The following CEP63 variants were observed in gnomAD, a reference collection of about 807,000 sequenced individuals.
CEP63 encodes centrosomal protein 63, also known as centrosomal protein of 63 kDa.
In CEP63, 84 loss-of-function variants were observed where a neutral mutation model predicts 89.1. The observed-to-expected ratio is 0.94, with a 90% confidence interval of 0.79 to 1.13. The LOEUF is 1.13. Among genes scored for constraint, CEP63 ranks in the 50% most tolerant of loss-of-function variants. The pLI, the probability that CEP63 is intolerant of heterozygous loss-of-function variation, is 0.00. For synonymous variants in CEP63, 267 were observed against 272.5 expected (o/e 0.98, Z 0.20); for missense variants, 838 against 813.3 (o/e 1.03, Z -0.37).
At chr3:134,570,543 C>T (rs1577492198) in intron 11 of CEP63, among the ~76,000 whole-genome samples, 1 of 152,202 alleles carries the variant, frequency 6.6e-6, no homozygotes, top group Non-Finnish European at 1.5e-5. Flanking sequence ...GAAACCAGAT[C>T]AGCCTGGATT....
At position 134,507,224 on chromosome 3, in the gene CEP63, T is replaced by C. The variant is rs202030435; in HGVS notation, c.160T>C (p.Leu54=). The C allele has an allele frequency of 8.7e-6, 14 of 1,613,936 alleles. No homozygotes were observed. The East Asian group carries it at 3.1e-4, about 36-fold the overall frequency. ...EGRTHALETC[L]KIREQELKSL... is the part of the protein sequence containing the mutation. The stretch of plus-strand genomic sequence containing the variant: ...ACGTACACATGCTCTAGAAACTTGC[T>C]TGAAAATCCGTGAACAGGAACTTAA... The change falls in exon 3 of 15, where the codon TTG becomes CTG. Residue 54 remains leucine, a synonymous_variant. Transcript: ENST00000675561.
chr3:134,647,965 C>T, the CEP63 span, among the ~76,000 whole-genome samples: 2 of 152,184 alleles, frequency 1.3e-5, no homozygotes, highest in African/African-American at 4.8e-5. Flanking sequence ...GCCTCCCTTG[C>T]AGCTAGAGGG....
chr3:134,656,273 A>C, the CEP63 span, among the ~76,000 whole-genome samples: 15 of 152,194 alleles, frequency 9.9e-5, no homozygotes, highest in Non-Finnish European at 2.1e-4. Flanking sequence ...AAGGAGCCTG[A>C]GCAGGAAATA....
chr3:134,714,928 A>T, the CEP63 span, among the ~76,000 whole-genome samples: 1 of 152,352 alleles, frequency 6.6e-6, no homozygotes, highest in African/African-American at 2.4e-5. Flanking sequence ...CTAAATGCCC[A>T]GGTAAAGCCC....
chr3:134,737,793 G>A, the CEP63 span, among the ~76,000 whole-genome samples: 1 of 152,182 alleles, frequency 6.6e-6, no homozygotes, highest in Admixed American at 6.5e-5. Flanking sequence ...TTATTTGACC[G>A]GGGCTGCTGT....
At chr3:134,640,293 G>A in the CEP63 span, among the ~76,000 whole-genome samples, 86 of 152,236 alleles carry the variant, frequency 5.6e-4, no homozygotes, top group African/African-American at 1.9e-3. Context: ...GACAGTATGG[G>A]GGAGTAGTTA....
chr3:134,525,533 T>C (rs1275557106), intron 3 of CEP63, among the ~76,000 whole-genome samples: 1 of 152,216 alleles, frequency 6.6e-6, no homozygotes, highest in Non-Finnish European at 1.5e-5. Context: ...CATTCAAGGT[T>C]AGTATTGATA....
intron 1 of CEP63, 156 bp downstream of exon 1, chr3:134,486,358 G>A (rs1935359212): frequency 2.0e-6 from 2 of 985,554 alleles, no homozygotes; most frequent in Non-Finnish European, 1.2e-6. Flanking sequence ...CGGCCGGTTT[G>A]CGCAACGGCC....
At chr3:134,707,249 A>G in the CEP63 span, among the ~76,000 whole-genome samples, 4 of 152,206 alleles carry the variant, frequency 2.6e-5, no homozygotes, top group African/African-American at 9.6e-5. Context: ...ATATGCAACT[A>G]CAGAACTGCA....
At chr3:134,560,747 G>A (rs556640466) in intron 14 of CEP63, among the ~76,000 whole-genome samples, 3 of 152,256 alleles carry the variant, frequency 2.0e-5, no homozygotes, top group Admixed American at 6.5e-5. Flanking sequence ...ATGTGTGTGT[G>A]TGTGTATTTG....
At chr3:134,735,465 C>T in the CEP63 span, among the ~76,000 whole-genome samples, 2 of 152,076 alleles carry the variant, frequency 1.3e-5, no homozygotes, top group South Asian at 2.1e-4. Context: ...CCATTTTAAA[C>T]AGCAAAATCA....
At chr3:134,745,561 T>G in the CEP63 span, among the ~76,000 whole-genome samples, 3 of 152,208 alleles carry the variant, frequency 2.0e-5, no homozygotes, top group African/African-American at 7.2e-5. Context: ...TACTTTAAGT[T>G]CTAGGGTACA....
At chr3:134,690,322 A>T in the CEP63 span, among the ~76,000 whole-genome samples, 14,254 of 152,252 alleles carry the variant, frequency 0.094, 1,372 homozygotes, top group African/African-American at 0.25. Flanking sequence ...ACAGACATAA[A>T]GTTACTCTGT....
chr3:134,489,873 A>G (rs1456753439), intron 1 of CEP63, among the ~76,000 whole-genome samples: 3 of 152,122 alleles, frequency 2.0e-5, no homozygotes, highest in Non-Finnish European at 2.9e-5. Context: ...TTATATTTAA[A>G]CTGTTTCAAC....
chr3:134,629,059 A>G, the CEP63 span, among the ~76,000 whole-genome samples: 1 of 152,170 alleles, frequency 6.6e-6, no homozygotes, highest in African/African-American at 2.4e-5. Context: ...AGGACCGAGA[A>G]GGGAGTTGGG....
chr3:134,556,229 C>A (rs1216763010), intron 12 of CEP63, among the ~76,000 whole-genome samples: 1 of 151,622 alleles, frequency 6.6e-6, no homozygotes, highest in African/African-American at 2.4e-5. Flanking sequence ...GACTTCATGT[C>A]TAAAACACCA....
chr3:134,566,638 CA>C (rs1458486092), downstream of CEP63, among the ~76,000 whole-genome samples: 1 of 152,108 alleles, frequency 6.6e-6, no homozygotes, highest in Non-Finnish European at 1.5e-5. Context: ...TTGGAATAGA[CA>C]TTTCTCCAAA....
At chr3:134,654,701 C>G in the CEP63 span, among the ~76,000 whole-genome samples, 1 of 152,206 alleles carries the variant, frequency 6.6e-6, no homozygotes, top group African/African-American at 2.4e-5. Flanking sequence ...CTGGAAAACC[C>G]CTTTGGACTT....
At chr3:134,709,553 C>A in the CEP63 span, among the ~76,000 whole-genome samples, 15 of 152,142 alleles carry the variant, frequency 9.9e-5, no homozygotes, top group Non-Finnish European at 2.2e-4. Flanking sequence ...ATTCTGATGT[C>A]TTCTTCCCAC....
Sources: allele counts gnomAD v4.1 joint callset (sites outside exome capture counted in the v4.1 genomes callset), GRCh38; gene constraint gnomAD v4.1.1; transcripts MANE v1.5; gene names NCBI Gene and HGNC (gene_info 2026-07-23, HGNC 2026-07-21).